Variants in DIP2C observed in about 807,000 individuals in gnomAD.
DIP2C encodes the protein DIP2 acetate--CoA ligase C (putative).
DIP2C carries 33 observed loss-of-function variants against 192.4 expected under a neutral mutation model. That is an observed-to-expected ratio of 0.17 (90% CI 0.13 to 0.23). The LOEUF (loss-of-function observed/expected upper bound fraction) is 0.23, where lower values mean the gene tolerates loss of function less well. DIP2C is among the 10% of genes least tolerant of loss of function. The pLI is 1.00. For synonymous variants in DIP2C, 979 were observed against 864.1 expected (o/e 1.13, Z -2.33); for missense variants, 1,537 against 2,110.1 (o/e 0.73, Z 5.32).
chr10:568,864 T>C (rs1260268427), intron 1 of DIP2C, among the ~76,000 whole-genome samples: 1 of 144,230 alleles, frequency 6.9e-6, no homozygotes, highest in Non-Finnish European at 1.5e-5. Context: ...CTACCTGCAA[T>C]GAGCCATCTC....
chr10:366,120 C>T (rs978495288), intron 19 of DIP2C, among the ~76,000 whole-genome samples, 155 bp downstream of exon 19: 3 of 152,170 alleles, frequency 2.0e-5, no homozygotes, highest in Non-Finnish European at 4.4e-5. Context: ...TTATCAAAAG[C>T]GATAAAAAGT....
intron 7 of DIP2C, among the ~76,000 whole-genome samples, chr10:415,456 A>C (rs1965565095): frequency 1.3e-5 from 2 of 152,164 alleles, no homozygotes; most frequent in Admixed American, 1.3e-4. Context: ...GGATTTCCCC[A>C]GTTTACTTGT....
At position 578,843 on chromosome 10, in the gene DIP2C, T is replaced by C. The variant is rs140122079; in HGVS notation, c.86-92313A>G. 5.9e-5 allele frequency among the ~76,000 whole-genome samples: 9 copies of C among 152,176 alleles called. 1 individual carries two copies. The East Asian group carries it at 1.4e-3, about 23-fold the overall frequency. The stretch of plus-strand genomic sequence containing the variant: ...GAGAGCACACACATCCAGATCCATA[T>C]AGTGTACGTACATAGGTACACTAAC... On this transcript the variant is annotated intron_variant, in intron 1 of 36. Transcript: ENST00000280886.
chr10:658,331 CACT>C (rs1856537978), intron 1 of DIP2C, among the ~76,000 whole-genome samples: 1 of 145,368 alleles, frequency 6.9e-6, no homozygotes, highest in African/African-American at 2.5e-5. Flanking sequence ...CTGGACCTGA[CACT>C]GGACCTGCCC....
intron 1 of DIP2C, among the ~76,000 whole-genome samples, chr10:580,015 T>C (rs1010529316): frequency 6.6e-6 from 1 of 152,074 alleles, no homozygotes; most frequent in Non-Finnish European, 1.5e-5. Flanking sequence ...TGTACATGAA[T>C]AGCATGTACA....
At chr10:369,041 G>C (rs1960646919) in intron 18 of DIP2C, among the ~76,000 whole-genome samples, 1 of 152,232 alleles carries the variant, frequency 6.6e-6, no homozygotes, top group African/African-American at 2.4e-5. Context: ...CTTGGAAAAA[G>C]GTCTCTACTG....
chr10:514,318 G>A (rs1049146881), intron 1 of DIP2C, among the ~76,000 whole-genome samples: 4 of 152,292 alleles, frequency 2.6e-5, no homozygotes, highest in Admixed American at 1.3e-4. Context: ...CCCACTCCTG[G>A]CCCAATTAAG....
chr10:385,600 G>T lies in DIP2C; in HGVS notation c.1663-961C>A, dbSNP rs147312740. Among the ~76,000 whole-genome samples, 904 of 152,262 alleles carry T rather than the reference G, an allele frequency of 5.9e-3. 7 individuals are homozygous for T. The highest frequency in any genetic ancestry group is 0.021 in the African/African-American group (863 of 41,542). On this transcript the variant is annotated intron_variant, in intron 14 of 36. Coordinates refer to ENST00000280886, the MANE Select transcript of DIP2C (RefSeq NM_014974.3). ...TCTGGCTCTGGCCGGGCCTTGCTGC[G>T]GCAGATTACTACTTCTGACAAAAAT...
rs146334980 is a variant in DIP2C at position 627,079 on chromosome 10, C to T, written c.85+62415G>A. Among the ~76,000 whole-genome samples, 193 of 152,344 alleles carry T rather than the reference C, an allele frequency of 1.3e-3. 1 individual carries two copies. Among genetic ancestry groups the T allele is most frequent in the African/African-American group, 4.5e-3 (188 of 41,584 alleles). ...TCGCTCGCCGTACCAGGATTTCGCT[C>T]GGCTATGGAGGAAAATCCGCGTGGG... On this transcript the variant is annotated intron_variant, in intron 1 of 36. Transcript: ENST00000280886.
At chr10:581,993 C>G (rs941244056) in intron 1 of DIP2C, among the ~76,000 whole-genome samples, 9 of 152,066 alleles carry the variant, frequency 5.9e-5, no homozygotes, top group African/African-American at 2.2e-4. Flanking sequence ...TCATAAGGAG[C>G]ACCTCCGAGA....
intron 1 of DIP2C, among the ~76,000 whole-genome samples, chr10:498,326 T>TG (rs1844996974): frequency 6.6e-6 from 1 of 152,220 alleles, no homozygotes; most frequent in South Asian, 2.1e-4. Flanking sequence ...ACCCAGGGAA[T>TG]GACTGGGCTC....
chr10:612,819 G>C (rs934525777), intron 1 of DIP2C, among the ~76,000 whole-genome samples: 6 of 152,158 alleles, frequency 3.9e-5, no homozygotes, highest in African/African-American at 7.2e-5. Flanking sequence ...CTCCACAGAA[G>C]CAAGTATTCT....
At chr10:325,828 G>C (rs924972068) in intron 31 of DIP2C, among the ~76,000 whole-genome samples, 1 of 152,090 alleles carries the variant, frequency 6.6e-6, no homozygotes, top group Non-Finnish European at 1.5e-5. Context: ...CTTAAAGATG[G>C]AGCTATTATA....
chr10:593,330 T>C (rs1248335257), intron 1 of DIP2C, among the ~76,000 whole-genome samples: 2 of 152,154 alleles, frequency 1.3e-5, no homozygotes, highest in Non-Finnish European at 2.9e-5. Flanking sequence ...AGTCCACGTT[T>C]ACCCCAGAGA....
chr10:486,647 T>G, intron 1 of DIP2C, 117 bp from the exon 2 acceptor site: 1 of 856,500 alleles, frequency 1.2e-6, no homozygotes, highest in South Asian at 2.3e-5. Context: ...ATTGTTAGAA[T>G]TTTAAAAGCA....
At chr10:355,598 G>A (rs549777781) in intron 24 of DIP2C, among the ~76,000 whole-genome samples, 1 of 152,184 alleles carries the variant, frequency 6.6e-6, no homozygotes, top group East Asian at 1.9e-4. Context: ...TAAGATTTTT[G>A]CATTTAATTT....
intron 18 of DIP2C, among the ~76,000 whole-genome samples, chr10:368,863 C>CTGA (rs1479443445): frequency 1.3e-5 from 2 of 152,246 alleles, no homozygotes; most frequent in African/African-American, 4.8e-5. Context: ...CAGCCAGGGG[C>CTGA]TGATGCTGCC....
intron 3 of DIP2C, among the ~76,000 whole-genome samples, chr10:463,610 T>C (rs1043938848): frequency 1.3e-5 from 2 of 152,112 alleles, no homozygotes; most frequent in Admixed American, 6.6e-5. Context: ...CGAGCTACCA[T>C]TGACTTTCTT....
chr10:382,856 G>A (rs1468704885), intron 16 of DIP2C, 95 bp from the exon 17 acceptor site: 1 of 790,188 alleles, frequency 1.3e-6, no homozygotes, highest in African/African-American at 1.7e-5. Flanking sequence ...TGGGATTCAG[G>A]CACAAGTGGA....
Sources: allele counts gnomAD v4.1 joint callset (sites outside exome capture counted in the v4.1 genomes callset), GRCh38; gene constraint gnomAD v4.1.1; transcripts MANE v1.5; gene names NCBI Gene and HGNC (gene_info 2026-07-23, HGNC 2026-07-21).